Variants in CPAMD8 observed in about 807,000 individuals in gnomAD.
CPAMD8 encodes the protein C3 and PZP-like alpha-2-macroglobulin domain-containing protein 8.
CPAMD8 carries 146 observed loss-of-function variants against 224.7 expected under a neutral mutation model. The observed-to-expected ratio is 0.65, with a 90% confidence interval of 0.57 to 0.75. CPAMD8 has a LOEUF of 0.75. Ranked by LOEUF, CPAMD8 falls within the 30% of genes least tolerant of loss-of-function variation. The pLI is 0.00. For synonymous variants in CPAMD8, 966 were observed against 1,044.6 expected, an observed-to-expected ratio of 0.92 and a Z score of 1.45; for missense variants, 2,301 against 2,537.5, an observed-to-expected ratio of 0.91 and a Z score of 2.00.
chr19:16,947,717 TC>T (rs35371694), intron 20 of CPAMD8, among the ~76,000 whole-genome samples: 152,334 of 152,334 alleles, frequency 1, 76,167 homozygotes, highest in Non-Finnish European at 1. Flanking sequence ...AATGCATGTG[TC>T]CCCTGGGTGC....
chr19:16,898,102 C>T lies in CPAMD8; in HGVS notation c.4849-108G>A. ...AGGGATACCCAGGACGCGTGAAACACAGAAGAAACGTGATCCCATTTTCTT... is the reference window on the plus strand; with the variant it reads ...AGGGATACCCAGGACGCGTGAAACATAGAAGAAACGTGATCCCATTTTCTT... On this transcript the variant is annotated intron_variant, in intron 37 of 41. Transcript: ENST00000443236. This position sits in a 1 kb window ranked among gnomAD's most constrained non-coding sequence, Gnocchi z 4.2. The T allele has an allele frequency of 1.5e-6, 1 of 684,872 alleles. No individual in the cohort carries two copies. The highest frequency in any genetic ancestry group is 2.5e-6 in the Non-Finnish European group (1 of 403,154). The allele number at this position is 684,872 out of a possible 1,614,324, so 42.4% of individuals were successfully genotyped here. A position where few individuals can be genotyped will look rare whatever the true frequency, so the allele number is the denominator to read the frequency against.
In CPAMD8 at chr19:16,896,062, G is replaced by A. The variant is rs551215794; in HGVS notation, c.5426+114C>T. ...TGAGTCACTCCCACTGCCAGTGGGGGGTCGGGGCGGGGCGGAGGAGTCGGG... is the reference window on the plus strand; with the variant it reads ...TGAGTCACTCCCACTGCCAGTGGGGAGTCGGGGCGGGGCGGAGGAGTCGGG... On this transcript the variant is annotated intron_variant, in intron 41 of 41. Transcript: ENST00000443236. The A allele has an allele frequency of 1.4e-3, 1,608 of 1,177,166 alleles. 4 individuals are homozygous for A. The highest frequency in any genetic ancestry group is 1.7e-3 in the Middle Eastern group (8 of 4,626). 72.9% of individuals were successfully genotyped at this position (1,177,166 alleles called of 1,614,324 possible). A position where few individuals can be genotyped will look rare whatever the true frequency, so the allele number is the denominator to read the frequency against.
Position 16,898,009 on chromosome 19 carries a change from CG to C in CPAMD8, c.4849-16del, listed in dbSNP as rs2052097926. 1.3e-6 allele frequency: 2 copies of C among 1,595,376 alleles called. No individual in the cohort carries two copies. The highest frequency in any genetic ancestry group is 2.7e-5 in the African/African-American group (2 of 74,490). ...CGGCTGGGGATCTGTGGGGCAGCGGCGGGCGCAGGCTCGACCCGGGCCAGGA... is the reference window on the plus strand; with the variant it reads ...CGGCTGGGGATCTGTGGGGCAGCGGCGGCGCAGGCTCGACCCGGGCCAGGA... On this transcript the variant is annotated splice_polypyrimidine_tract_variant and intron_variant, in intron 37 of 41. Transcript: ENST00000443236. The surrounding 1 kb of genome is among the most constrained non-coding windows in gnomAD (Gnocchi z 4.2).
At chr19:17,008,803 C>T (rs985190987) in intron 6 of CPAMD8, 7 of 557,762 alleles carry the variant, frequency 1.3e-5, no homozygotes, top group African/African-American at 3.8e-5. Context: ...TAGAAATGGA[C>T]GTGGCTGGGT....
intron 25 of CPAMD8, among the ~76,000 whole-genome samples, chr19:16,926,497 T>C (rs1038883306): frequency 1.5e-4 from 23 of 152,132 alleles, no homozygotes; most frequent in Non-Finnish European, 2.6e-4. Flanking sequence ...TTTGTATTTT[T>C]AGAAGAGACG....
chr19:16,945,506 A>T (rs1214218789), intron 22 of CPAMD8, 43 bp downstream of exon 22: 3 of 1,597,164 alleles, frequency 1.9e-6, no homozygotes, highest in Non-Finnish European at 1.7e-6. Flanking sequence ...GGCTGAAGGA[A>T]TGAGGCCCTG....
chr19:16,929,314 G>C, intron 23 of CPAMD8, 74 bp from the exon 24 acceptor site: 2 of 1,266,442 alleles, frequency 1.6e-6, no homozygotes, highest in Non-Finnish European at 2.2e-6. Flanking sequence ...GGTACCTGGA[G>C]GTGAGCACCA....
chr19:16,926,239 T>C (rs1295192407), intron 25 of CPAMD8, among the ~76,000 whole-genome samples: 1 of 152,104 alleles, frequency 6.6e-6, no homozygotes, highest in African/African-American at 2.4e-5. Context: ...GGCTTCCTTG[T>C]CTCAAATATT....
At chr19:16,949,195 T>C (rs1599764042) in intron 20 of CPAMD8, among the ~76,000 whole-genome samples, 2 of 151,790 alleles carry the variant, frequency 1.3e-5, no homozygotes, top group South Asian at 2.1e-4. Context: ...TTCTCTGTCT[T>C]GGGGATGGTC....
At chr19:16,896,701 C>T in intron 39 of CPAMD8, 36 bp from the exon 40 acceptor site, 1 of 1,337,812 alleles carries the variant, frequency 7.5e-7, no homozygotes, top group African/African-American at 1.5e-5. Flanking sequence ...ACCCCCCACC[C>T]TGAACCTTGC....
At chr19:16,968,263 C>T (rs1024965638) in intron 18 of CPAMD8, among the ~76,000 whole-genome samples, 1 of 152,092 alleles carries the variant, frequency 6.6e-6, no homozygotes, top group African/African-American at 2.4e-5. Flanking sequence ...TGCCAATTCC[C>T]CGATTAGGAG....
intron 41 of CPAMD8, chr19:16,894,126 G>GGC: frequency 4.6e-6 from 1 of 219,014 alleles, no homozygotes; most frequent in Non-Finnish European, 9.8e-6. Context: ...CCAGCTCCAA[G>GGC]GCTGGGGGGT....
chr19:16,997,362 C>T (rs1331093803), intron 10 of CPAMD8, 24 bp from the exon 11 acceptor site: 10 of 1,370,920 alleles, frequency 7.3e-6, no homozygotes, highest in East Asian at 7.2e-5. Context: ...AAACACAGCC[C>T]GTGCTCACTC....
At chr19:16,949,450 G>A (rs968931091) in intron 20 of CPAMD8, among the ~76,000 whole-genome samples, 11 of 152,094 alleles carry the variant, frequency 7.2e-5, no homozygotes, top group South Asian at 2.1e-4. Flanking sequence ...TAAAAAGAAC[G>A]GTAAAGGATG....
chr19:16,997,362 C>G (rs1331093803), intron 10 of CPAMD8, 24 bp from the exon 11 acceptor site: 9 of 1,370,802 alleles, frequency 6.6e-6, no homozygotes, highest in Non-Finnish European at 9.2e-6. Flanking sequence ...AAACACAGCC[C>G]GTGCTCACTC....
chr19:16,955,359 G>C (rs1390446802), intron 19 of CPAMD8, among the ~76,000 whole-genome samples: 2 of 151,872 alleles, frequency 1.3e-5, no homozygotes, highest in Non-Finnish European at 2.9e-5. Context: ...TGAACCTTGG[G>C]GACATGTTGA....
At position 16,967,893 on chromosome 19, in the gene CPAMD8, G is replaced by A. The variant is rs1254274207; in HGVS notation, c.2213+2998C>T. Among the ~76,000 whole-genome samples, 161 of 43,354 alleles carry A rather than the reference G, an allele frequency of 3.7e-3. 9 individuals carry two copies. In the Middle Eastern group the frequency reaches 0.059, roughly 16 times the overall value. The allele number at this position is 43,354 out of a possible 152,430, so 28.4% of individuals were successfully genotyped here. On this transcript the variant is annotated intron_variant, in intron 18 of 41. Coordinates refer to ENST00000443236, the MANE Select transcript of CPAMD8 (RefSeq NM_015692.5). The stretch of plus-strand genomic sequence containing the variant: ...TATATGTGCATATATACACACACAT[G>A]TGTGTGTATATATGTGCATATATAC...
At chr19:16,933,432 T>A (rs1284123139) in intron 23 of CPAMD8, among the ~76,000 whole-genome samples, 1 of 152,160 alleles carries the variant, frequency 6.6e-6, no homozygotes, top group Non-Finnish European at 1.5e-5. Flanking sequence ...TTGCAAAGCA[T>A]TTATCTGATA....
At chr19:16,902,042 ATCT>A (rs2144729401) in intron 35 of CPAMD8, among the ~76,000 whole-genome samples, 2 of 151,970 alleles carry the variant, frequency 1.3e-5, no homozygotes, top group South Asian at 2.1e-4. Flanking sequence ...GGCAACAAAC[ATCT>A]TCTTAGGGTG....
Sources: gnomAD v4.1 joint callset for allele counts (sites outside exome capture counted in the v4.1 genomes callset) on GRCh38, gnomAD v4.1.1 for gene constraint, Gnocchi (gnomAD v3.1) non-coding constraint, MANE v1.5 for transcripts, NCBI Gene and HGNC (gene_info 2026-07-23, HGNC 2026-07-21) for gene names.